The following MCTP1 variants were observed in gnomAD, a reference collection of about 807,000 sequenced individuals.
MCTP1 encodes multiple C2 and transmembrane domain containing 1, also known as multiple C2 and transmembrane domain-containing protein 1.
Under a neutral mutation model 120.6 loss-of-function variants are expected in MCTP1, and 69 were observed. The ratio of observed to expected loss-of-function variants is 0.57; its 90% CI spans 0.47 to 0.70. The LOEUF (loss-of-function observed/expected upper bound fraction) is 0.70, where lower values mean the gene tolerates loss of function less well. Ranked by LOEUF, MCTP1 falls within the 30% of genes least tolerant of loss-of-function variation. The probability of loss-of-function intolerance (pLI) is 0.00; values close to 1 mark genes in which losing one functional copy is unlikely to be tolerated. For missense variants in MCTP1, 1,203 were observed against 1,248.8 expected, an observed-to-expected ratio of 0.96 and a Z score of 0.55; for synonymous variants, 529 against 493.1, an observed-to-expected ratio of 1.07 and a Z score of -0.96.
At chr5:95,024,196 C>A in intron 1 of MCTP1, 1 of 302,234 alleles carries the variant, frequency 3.3e-6, no homozygotes, top group Admixed American at 4.5e-5. Flanking sequence ...CAGAGCTTTC[C>A]TTGATTTTTT....
intron 1 of MCTP1, among the ~76,000 whole-genome samples, chr5:95,203,302 A>G (rs966267953): frequency 3.9e-5 from 6 of 152,186 alleles, no homozygotes; most frequent in Admixed American, 2.0e-4. Flanking sequence ...CTATGTTTCT[A>G]TAATGGATTG....
At chr5:95,055,065 C>T (rs914728631) in intron 1 of MCTP1, among the ~76,000 whole-genome samples, 8 of 152,126 alleles carry the variant, frequency 5.3e-5, no homozygotes, top group Admixed American at 3.9e-4. Flanking sequence ...CCTGCCTCAG[C>T]GGCTATAATA....
intron 17 of MCTP1, among the ~76,000 whole-genome samples, chr5:94,807,177 G>T (rs1005253540): frequency 1.3e-5 from 2 of 152,036 alleles, no homozygotes; most frequent in Non-Finnish European, 2.9e-5. Flanking sequence ...GACTTTTTTG[G>T]GTCCTAACAG....
chr5:95,238,444 GCT>G (rs1241161259), intron 1 of MCTP1, among the ~76,000 whole-genome samples: 6 of 152,066 alleles, frequency 3.9e-5, no homozygotes, highest in Non-Finnish European at 8.8e-5. Context: ...TTGCATGGGG[GCT>G]AACACTGTTT....
intron 19 of MCTP1, among the ~76,000 whole-genome samples, chr5:94,763,743 G>A (rs1771891445): frequency 6.6e-6 from 1 of 152,124 alleles, no homozygotes; most frequent in Non-Finnish European, 1.5e-5. Context: ...AGACATAATA[G>A]CAAAACAGTT....
At chr5:94,962,139 A>G (rs1411493366) in intron 2 of MCTP1, among the ~76,000 whole-genome samples, 1 of 152,164 alleles carries the variant, frequency 6.6e-6, no homozygotes, top group Non-Finnish European at 1.5e-5. Context: ...AATAAAAAAA[A>G]AGAAATAGAT....
chr5:95,070,945 A>G (rs977311263), intron 1 of MCTP1, among the ~76,000 whole-genome samples: 1 of 152,150 alleles, frequency 6.6e-6, no homozygotes, highest in African/African-American at 2.4e-5. Flanking sequence ...GTGGCAATGT[A>G]TTGGTTCAAG....
At chr5:95,053,982 T>C (rs996439896) in intron 1 of MCTP1, among the ~76,000 whole-genome samples, 1 of 152,244 alleles carries the variant, frequency 6.6e-6, no homozygotes, top group African/African-American at 2.4e-5. Flanking sequence ...AACCTTGGGC[T>C]TTTGGTAAAA....
At chr5:94,996,891 C>CAGAA (rs1234263804) in intron 2 of MCTP1, among the ~76,000 whole-genome samples, 1 of 151,962 alleles carries the variant, frequency 6.6e-6, no homozygotes, top group African/African-American at 2.4e-5. Context: ...AATAAGCAAA[C>CAGAA]AGAAAGAATA....
intron 1 of MCTP1, among the ~76,000 whole-genome samples, chr5:95,214,921 G>A (rs1178887): frequency 2.6e-5 from 4 of 151,420 alleles, no homozygotes; most frequent in Non-Finnish European, 5.9e-5. Flanking sequence ...TGTAAATGAC[G>A]AGTTAATGGA....
chr5:95,268,195 A>G (rs965842731), intron 1 of MCTP1, among the ~76,000 whole-genome samples: 5 of 152,252 alleles, frequency 3.3e-5, no homozygotes, highest in African/African-American at 4.8e-5. Context: ...CGTAAGCTCT[A>G]TGTGAGCAGG....
At chr5:95,048,904 C>T (rs751052832) in intron 1 of MCTP1, among the ~76,000 whole-genome samples, 99 of 152,062 alleles carry the variant, frequency 6.5e-4, no homozygotes, top group Non-Finnish European at 1.3e-3. Context: ...GCTCTTGATG[C>T]TTCAGTGCTT....
At chr5:95,202,404 C>T (rs551102371) in intron 1 of MCTP1, among the ~76,000 whole-genome samples, 3 of 152,304 alleles carry the variant, frequency 2.0e-5, no homozygotes, top group African/African-American at 7.2e-5. Flanking sequence ...CCCTGGTTCT[C>T]CAGTTTGCAA....
intron 11 of MCTP1, among the ~76,000 whole-genome samples, chr5:94,892,484 T>C (rs746894172): frequency 3.3e-5 from 5 of 152,142 alleles, no homozygotes; most frequent in Non-Finnish European, 7.4e-5. Flanking sequence ...CCGCCCCCTA[T>C]TGACCTTCCC....
intron 19 of MCTP1, among the ~76,000 whole-genome samples, chr5:94,762,994 T>C (rs1175410224): frequency 2.6e-5 from 4 of 152,242 alleles, no homozygotes; most frequent in African/African-American, 4.8e-5. Context: ...AGATACATCA[T>C]GGTCATCCAC....
At chr5:94,912,746 G>T in intron 9 of MCTP1, 60 bp downstream of exon 9, 2 of 1,353,466 alleles carry the variant, frequency 1.5e-6, no homozygotes, top group Non-Finnish European at 2.0e-6. Flanking sequence ...CCTAAAGCAG[G>T]GCTATTAACC....
In MCTP1 at chr5:94,810,497, T is replaced by G. The variant is rs1783180585; in HGVS notation, c.2437-11365A>C. On this transcript the variant is annotated intron_variant, in intron 17 of 22. Coordinates refer to ENST00000515393, the MANE Select transcript of MCTP1 (RefSeq NM_024717.7). Reference sequence around the variant, plus strand: ...GAAACTCCCTCTGTTCTCTATACTGTGCCAGAAAATAGGATACCCAGCTAT... The same window carrying G: ...GAAACTCCCTCTGTTCTCTATACTGGGCCAGAAAATAGGATACCCAGCTAT... Among the ~76,000 whole-genome samples the G allele has an allele frequency of 2.0e-5, 3 of 152,296 alleles. No individual in the cohort carries two copies. The South Asian group carries it at 6.2e-4, about 32-fold the overall frequency.
chr5:94,755,903 A>T (rs1769715996), intron 19 of MCTP1, among the ~76,000 whole-genome samples: 1 of 152,170 alleles, frequency 6.6e-6, no homozygotes, highest in Admixed American at 6.5e-5. Context: ...AGAATACCTT[A>T]TTCGATGTCC....
Position 94,716,310 on chromosome 5 carries a change from A to G in MCTP1, c.2611-1424T>C, listed in dbSNP as rs140818257. On this transcript the variant is annotated intron_variant, in intron 19 of 22. Transcript: ENST00000515393. ...ATTGGGAACAGCTAGTTAGCTACTT[A>G]GGGTTCCCTACTGTCTTCAGAAGTC... Among the ~76,000 whole-genome samples the G allele has an allele frequency of 2.4e-3, 369 of 152,192 alleles. 2 individuals carry two copies. The highest frequency in any genetic ancestry group is 0.014 in the Middle Eastern group (4 of 294).
Sources: allele counts gnomAD v4.1 joint callset (sites outside exome capture counted in the v4.1 genomes callset), GRCh38; gene constraint gnomAD v4.1.1; transcripts MANE v1.5; gene names NCBI Gene and HGNC (gene_info 2026-07-23, HGNC 2026-07-21).